Variants in SLC35D4 observed in about 807,000 individuals in gnomAD.
SLC35D4 encodes solute carrier family 35 member D4.
chr18:23,402,431 G>A, the SLC35D4 span, among the ~76,000 whole-genome samples: 738 of 152,172 alleles, frequency 4.8e-3, 3 homozygotes, highest in East Asian at 0.029. Context: ...ACACACAAAC[G>A]AAAAGCCTTA....
At chr18:23,340,806 T>G in the SLC35D4 span, among the ~76,000 whole-genome samples, 1 of 152,180 alleles carries the variant, frequency 6.6e-6, no homozygotes, top group Non-Finnish European at 1.5e-5. Context: ...CCACAAGCAT[T>G]GCCGCTGCTG....
the SLC35D4 span, among the ~76,000 whole-genome samples, chr18:23,239,802 G>A: frequency 6.6e-6 from 1 of 152,260 alleles, no homozygotes; most frequent in South Asian, 2.1e-4. Context: ...CACCATAATC[G>A]TGAGGAAGGA....
chr18:23,257,028 G>T, the SLC35D4 span: 1 of 592,548 alleles, frequency 1.7e-6, no homozygotes, highest in Non-Finnish European at 2.9e-6. Context: ...CAGCCCCTCG[G>T]GAAAGGAGCA....
At chr18:23,436,008 A>G in the SLC35D4 span, among the ~76,000 whole-genome samples, 1 of 142,986 alleles carries the variant, frequency 7.0e-6, no homozygotes, top group Non-Finnish European at 1.5e-5. Flanking sequence ...CACCATTTCC[A>G]TTAACTCTCA....
the SLC35D4 span, chr18:23,368,680 T>C: frequency 5.7e-6 from 7 of 1,223,388 alleles, no homozygotes; most frequent in African/African-American, 6.2e-5. Flanking sequence ...CATTAGGATA[T>C]GAATTGTTCT....
the SLC35D4 span, among the ~76,000 whole-genome samples, chr18:23,291,219 C>G: frequency 6.6e-6 from 1 of 152,118 alleles, no homozygotes; most frequent in African/African-American, 2.4e-5. Context: ...GAACAGTGCT[C>G]CTAGAATAAG....
At chr18:23,380,194 T>C in the SLC35D4 span, among the ~76,000 whole-genome samples, 1 of 152,194 alleles carries the variant, frequency 6.6e-6, no homozygotes, top group Non-Finnish European at 1.5e-5. Context: ...CTACTCACAC[T>C]GCCAGGTGCT....
At chr18:23,389,750 G>C in the SLC35D4 span, among the ~76,000 whole-genome samples, 2 of 152,148 alleles carry the variant, frequency 1.3e-5, no homozygotes, top group Non-Finnish European at 2.9e-5. Context: ...TGTTGATCAG[G>C]CTGGTCTCCA....
chr18:23,307,281 T>C, the SLC35D4 span, among the ~76,000 whole-genome samples: 36 of 152,344 alleles, frequency 2.4e-4, no homozygotes, highest in East Asian at 3.7e-3. Context: ...TACATACATA[T>C]ATATTCCCCA....
the SLC35D4 span, among the ~76,000 whole-genome samples, chr18:23,301,992 C>G: frequency 6.6e-6 from 1 of 152,146 alleles, no homozygotes; most frequent in East Asian, 1.9e-4. Flanking sequence ...ATATTGAGTA[C>G]TTCGGTTTAT....
the SLC35D4 span, among the ~76,000 whole-genome samples, chr18:23,283,029 C>T: frequency 6.6e-6 from 1 of 151,624 alleles, no homozygotes; most frequent in Non-Finnish European, 1.5e-5. Flanking sequence ...CCTTGTTATA[C>T]CCCCTACCTT....
the SLC35D4 span, among the ~76,000 whole-genome samples, chr18:23,276,254 AT>A: frequency 6.6e-6 from 1 of 151,814 alleles, no homozygotes; most frequent in Admixed American, 6.6e-5. Flanking sequence ...CGTCCGGCTA[AT>A]TTTTTTGTAC....
the SLC35D4 span, among the ~76,000 whole-genome samples, chr18:23,287,865 A>G: frequency 2.0e-5 from 3 of 152,142 alleles, no homozygotes; most frequent in African/African-American, 7.2e-5. Flanking sequence ...TTGTCCAAAC[A>G]ACTTGACCTT....
chr18:23,267,773 T>G, the SLC35D4 span, among the ~76,000 whole-genome samples: 1 of 152,172 alleles, frequency 6.6e-6, no homozygotes, highest in South Asian at 2.1e-4. Context: ...CTGGCTGCAC[T>G]AGGGTGTCCT....
chr18:23,359,509 C>T, the SLC35D4 span, among the ~76,000 whole-genome samples: 2 of 152,210 alleles, frequency 1.3e-5, no homozygotes, highest in African/African-American at 2.4e-5. Context: ...TCTGAGTGAG[C>T]GAGTGAATCC....
At chr18:23,264,801 C>T in the SLC35D4 span, among the ~76,000 whole-genome samples, 47 of 152,130 alleles carry the variant, frequency 3.1e-4, no homozygotes, top group South Asian at 1.9e-3. Flanking sequence ...CATCACGCCA[C>T]GCCCAGCTGA....
the SLC35D4 span, among the ~76,000 whole-genome samples, chr18:23,319,036 G>T: frequency 6.6e-6 from 1 of 151,746 alleles, no homozygotes; most frequent in Admixed American, 6.6e-5. Context: ...TAGAGACAGG[G>T]TTTCATCATG....
At chr18:23,379,135 T>C in the SLC35D4 span, among the ~76,000 whole-genome samples, 6 of 151,812 alleles carry the variant, frequency 4.0e-5, no homozygotes, top group African/African-American at 1.2e-4. Flanking sequence ...CTTTTTTTTT[T>C]TTTTTTGAGC....
At chr18:23,380,793 T>C in the SLC35D4 span, among the ~76,000 whole-genome samples, 3 of 151,894 alleles carry the variant, frequency 2.0e-5, no homozygotes, top group Non-Finnish European at 2.9e-5. Flanking sequence ...TGTGTGTGTG[T>C]GTATGTGTGC....
Sources: allele counts gnomAD v4.1 joint callset (sites outside exome capture counted in the v4.1 genomes callset), GRCh38; gene constraint gnomAD v4.1.1; transcripts MANE v1.5; gene names NCBI Gene and HGNC (gene_info 2026-07-23, HGNC 2026-07-21).